The following KAT6B variants were observed in gnomAD, a reference collection of about 807,000 sequenced individuals.
KAT6B encodes the protein lysine acetyltransferase 6B, also known as histone acetyltransferase KAT6B.
A neutral mutation model predicts 187.5 loss-of-function variants in KAT6B; 10 were observed. That is an observed-to-expected ratio of 0.05 (90% CI 0.03 to 0.09). The LOEUF is 0.09. Ranked by LOEUF, KAT6B falls within the 10% of genes least tolerant of loss-of-function variation. The pLI is 1.00. For synonymous variants in KAT6B, 861 were observed against 926.8 expected, an observed-to-expected ratio of 0.93 and a Z score of 1.29; for missense variants, 1,952 against 2,558.9, an observed-to-expected ratio of 0.76 and a Z score of 5.12.
At chr10:74,972,701 T>A in intron 7 of KAT6B, 62 bp downstream of exon 7, 1 of 1,455,460 alleles carries the variant, frequency 6.9e-7, no homozygotes, top group Non-Finnish European at 9.6e-7. Flanking sequence ...AGGTGATTGT[T>A]ATTCTCTCAG....
chr10:74,953,322 CTCTT>C (rs766239659), intron 3 of KAT6B, among the ~76,000 whole-genome samples: 20 of 152,026 alleles, frequency 1.3e-4, no homozygotes, highest in Non-Finnish European at 2.5e-4. Context: ...TGTTTGTTTG[CTCTT>C]TCTGTTTTTA....
chr10:75,017,491 G>C (rs961719078), intron 13 of KAT6B, among the ~76,000 whole-genome samples: 1 of 152,244 alleles, frequency 6.6e-6, no homozygotes, highest in Non-Finnish European at 1.5e-5. Flanking sequence ...ACTGGCGCCT[G>C]TAATCCCAGC....
At chr10:75,014,506 C>A (rs1362882689) in intron 13 of KAT6B, among the ~76,000 whole-genome samples, 2 of 151,762 alleles carry the variant, frequency 1.3e-5, no homozygotes, top group African/African-American at 2.4e-5. Flanking sequence ...TTATCGTTAT[C>A]TTTTAGATGA....
Position 74,964,625 on chromosome 10 carries a change from C to T in KAT6B, c.730+4547C>T, listed in dbSNP as rs1007409780. Among the ~76,000 whole-genome samples the T allele has an allele frequency of 2.6e-5, 4 of 152,156 alleles. No individual in the cohort carries two copies. In the East Asian group the frequency reaches 7.7e-4, roughly 29 times the overall value. The stretch of plus-strand genomic sequence containing the variant: ...TAGAGCTTTTCCAACGAGTCTACCC[C>T]CGAGGCACCTCAAAGTTAATATCCA... On this transcript the variant is annotated intron_variant, in intron 4 of 17. Transcript: ENST00000287239.
intron 1 of KAT6B, among the ~76,000 whole-genome samples, chr10:74,836,684 CTATT>C (rs1473437842): frequency 6.6e-6 from 1 of 152,172 alleles, no homozygotes; most frequent in Non-Finnish European, 1.5e-5. Flanking sequence ...ACCAAGGACA[CTATT>C]TTGAGCAACT....
At chr10:74,943,316 T>G (rs1023214828) in intron 3 of KAT6B, among the ~76,000 whole-genome samples, 1 of 152,092 alleles carries the variant, frequency 6.6e-6, no homozygotes, top group Non-Finnish European at 1.5e-5. Context: ...TGAAAGAAAT[T>G]AAGGCAGCCC....
At chr10:75,007,552 AT>A (rs1392466153) in intron 13 of KAT6B, among the ~76,000 whole-genome samples, 1 of 152,178 alleles carries the variant, frequency 6.6e-6, no homozygotes, top group Non-Finnish European at 1.5e-5. Context: ...GAAAGTCAGG[AT>A]AGTGGTTACT....
chr10:74,863,458 T>C (rs1843335165), intron 3 of KAT6B, among the ~76,000 whole-genome samples: 1 of 152,228 alleles, frequency 6.6e-6, no homozygotes, highest in Non-Finnish European at 1.5e-5. Flanking sequence ...TTATTTCCCA[T>C]AGAATAGATT....
intron 3 of KAT6B, among the ~76,000 whole-genome samples, chr10:74,868,530 GTAACCTCAGAGAAAGTGACTT>G (rs1262877610): frequency 6.6e-6 from 1 of 152,058 alleles, no homozygotes; most frequent in Non-Finnish European, 1.5e-5. Flanking sequence ...TGCAATATAG[GTAACCTCAGAGAAAGTGACTT>G]TAGCCACTAG....
intron 13 of KAT6B, among the ~76,000 whole-genome samples, chr10:75,013,882 G>T (rs1411771471): frequency 6.6e-6 from 1 of 152,156 alleles, no homozygotes; most frequent in Non-Finnish European, 1.5e-5. Flanking sequence ...TGGCTCCAGA[G>T]CCCATGCTTT....
rs1385592771 is a variant in KAT6B, at chr10:75,032,289, T to TG, written c.*1243_*1244insG. The TG allele has an allele frequency of 1.6e-5, 3 of 193,184 alleles. No individual in the cohort carries two copies. The East Asian group carries it at 2.5e-4, about 16-fold the overall frequency. 12.0% of individuals were successfully genotyped at this position (193,184 alleles called of 1,614,324 possible). On this transcript the variant is annotated 3_prime_UTR_variant, in exon 18 of 18. Coordinates refer to ENST00000287239, the MANE Select transcript of KAT6B (RefSeq NM_012330.4). ...CATAAAATAAATTATGATGAGCCAT[T>TG]TTTAGCCTCTTGTGTCCTGTCATAT...
intron 10 of KAT6B, 104 bp from the exon 11 acceptor site, chr10:74,981,683 A>G (rs1589749852): frequency 2.2e-6 from 2 of 892,902 alleles, no homozygotes; most frequent in South Asian, 1.4e-5. Context: ...CTCCAATGTT[A>G]TTATACAGCC....
intron 3 of KAT6B, among the ~76,000 whole-genome samples, chr10:74,895,816 T>C (rs1274347020): frequency 2.0e-5 from 3 of 152,176 alleles, no homozygotes; most frequent in Non-Finnish European, 4.4e-5. Flanking sequence ...GCCTGGCCCT[T>C]AATCTTGTTC....
chr10:75,001,502 T>G (rs983007644), intron 13 of KAT6B, among the ~76,000 whole-genome samples: 7 of 152,172 alleles, frequency 4.6e-5, no homozygotes, highest in Non-Finnish European at 1.0e-4. Flanking sequence ...AGAAAGCTGC[T>G]TCTTCCCAGA....
intron 3 of KAT6B, among the ~76,000 whole-genome samples, chr10:74,868,691 A>G (rs1843710557): frequency 6.6e-6 from 1 of 152,190 alleles, no homozygotes; most frequent in Non-Finnish European, 1.5e-5. Flanking sequence ...ATTTGCATTT[A>G]TATCCTAGTA....
intron 13 of KAT6B, among the ~76,000 whole-genome samples, chr10:74,996,250 C>T (rs1843424842): frequency 6.6e-6 from 1 of 152,202 alleles, no homozygotes; most frequent in Non-Finnish European, 1.5e-5. Context: ...TCTTGCTGGG[C>T]TGTCAAGTTC....
At chr10:74,897,028 G>A (rs1846040273) in intron 3 of KAT6B, among the ~76,000 whole-genome samples, 1 of 151,982 alleles carries the variant, frequency 6.6e-6, no homozygotes, top group African/African-American at 2.4e-5. Context: ...CATTTAATAT[G>A]GTTTACTCTA....
At chr10:74,899,558 A>AGCC (rs1252794506) in intron 3 of KAT6B, among the ~76,000 whole-genome samples, 3 of 152,156 alleles carry the variant, frequency 2.0e-5, no homozygotes, top group Non-Finnish European at 4.4e-5. Context: ...TACAGGCATG[A>AGCC]GCCACCGCGC....
chr10:74,891,446 A>G (rs1433069625), intron 3 of KAT6B, among the ~76,000 whole-genome samples: 1 of 152,264 alleles, frequency 6.6e-6, no homozygotes, highest in African/African-American at 2.4e-5. Flanking sequence ...CTTAAATGGT[A>G]CAAGGGTTTG....
Sources: allele counts gnomAD v4.1 joint callset (sites outside exome capture counted in the v4.1 genomes callset), GRCh38; gene constraint gnomAD v4.1.1; transcripts MANE v1.5; gene names NCBI Gene and HGNC (gene_info 2026-07-23, HGNC 2026-07-21).